The following BAZ1B variants were observed in gnomAD, a reference collection of about 807,000 sequenced individuals.
BAZ1B encodes tyrosine-protein kinase BAZ1B.
BAZ1B carries 22 observed loss-of-function variants against 153.8 expected under a neutral mutation model. The ratio of observed to expected loss-of-function variants is 0.14; its 90% CI spans 0.10 to 0.20. BAZ1B has a LOEUF of 0.20. BAZ1B is among the 10% of genes least tolerant of loss of function. The pLI is 1.00. For missense variants in BAZ1B, 1,325 were observed against 1,799.3 expected, an observed-to-expected ratio of 0.74 and a Z score of 4.77; for synonymous variants, 676 against 633.4, an observed-to-expected ratio of 1.07 and a Z score of -1.01.
chr7:73,488,103 T>C (rs1432639016), intron 6 of BAZ1B, among the ~76,000 whole-genome samples: 1 of 152,224 alleles, frequency 6.6e-6, no homozygotes, highest in Non-Finnish European at 1.5e-5. Context: ...CCTGGAAATG[T>C]GACCTAGTTT....
rs1787955857 is a variant in BAZ1B at position 73,449,528 on chromosome 7, G to A, written c.3728+14C>T. On this transcript the variant is annotated intron_variant, in intron 15 of 19. Transcript: ENST00000339594. ...TTTATTCATTCAATTATTTTTAAAA[G>A]AAAAGATTCTCACCTGCCACGGGAG... is the stretch of plus-strand genomic sequence containing the variant. The A allele has an allele frequency of 1.5e-5, 24 of 1,598,196 alleles. No homozygotes were observed. In the East Asian group the frequency reaches 5.4e-4, roughly 36 times the overall value.
chr7:73,492,757 T>C (rs782153093), intron 5 of BAZ1B, 43 bp downstream of exon 5: 1 of 1,521,958 alleles, frequency 6.6e-7, no homozygotes, highest in South Asian at 1.2e-5. Context: ...GATATTTTCT[T>C]AAAGAACATC....
At chr7:73,509,012 CAAA>C (rs782573117) in intron 2 of BAZ1B, among the ~76,000 whole-genome samples, 1 of 104,774 alleles carries the variant, frequency 9.5e-6, no homozygotes. Context: ...GATTCCATCT[CAAA>C]AAAAAAAAAA....
chr7:73,460,606 T>G (rs1405077601), intron 12 of BAZ1B, among the ~76,000 whole-genome samples: 1 of 152,152 alleles, frequency 6.6e-6, no homozygotes, highest in African/African-American at 2.4e-5. Flanking sequence ...TGCCTCAGCC[T>G]CCCCATTAGC....
intron 6 of BAZ1B, among the ~76,000 whole-genome samples, chr7:73,484,680 T>C (rs1459406604): frequency 6.6e-6 from 1 of 152,110 alleles, no homozygotes; most frequent in Non-Finnish European, 1.5e-5. Context: ...ATACTATGAG[T>C]AATGGACAAA....
chr7:73,500,163 T>G (rs760486702), intron 3 of BAZ1B, among the ~76,000 whole-genome samples: 1 of 152,204 alleles, frequency 6.6e-6, no homozygotes, highest in African/African-American at 2.4e-5. Flanking sequence ...AATATAATTA[T>G]AGATATATTT....
chr7:73,499,572 T>G (rs549022703), intron 3 of BAZ1B, among the ~76,000 whole-genome samples: 1 of 152,290 alleles, frequency 6.6e-6, no homozygotes, highest in East Asian at 1.9e-4. Context: ...CATGATGGCG[T>G]GTTCCCATAG....
intron 10 of BAZ1B, among the ~76,000 whole-genome samples, chr7:73,465,757 A>C (rs562410924): frequency 5.9e-5 from 9 of 152,252 alleles, no homozygotes; most frequent in Non-Finnish European, 8.8e-5. Context: ...GTTCCTATTA[A>C]AATATTATAT....
rs782219157 is a variant in BAZ1B, at chr7:73,476,850, C to G, written c.2593+18G>C. 10 of 1,574,124 alleles carry G rather than the reference C, an allele frequency of 6.4e-6. No individual in the cohort carries two copies. In the African/African-American group the frequency reaches 1.4e-4, roughly 22 times the overall value. ...TCTTCTACAGAGCTTCCCCTTTTCT[C>G]TCAGCATGAAATTTTACCTTTCATT... On this transcript the variant is annotated intron_variant, in intron 7 of 19. Coordinates refer to ENST00000339594, the MANE Select transcript of BAZ1B (RefSeq NM_032408.4).
chr7:73,497,701 AAAAAAAG>A (rs781854801), intron 4 of BAZ1B, among the ~76,000 whole-genome samples: 22 of 148,214 alleles, frequency 1.5e-4, no homozygotes, highest in Non-Finnish European at 2.4e-4. Context: ...AAGTGCCATA[AAAAAAAG>A]AAAAAGAAAA....
chr7:73,493,720 T>C (rs1243317140), intron 4 of BAZ1B, among the ~76,000 whole-genome samples: 1 of 151,324 alleles, frequency 6.6e-6, no homozygotes, highest in African/African-American at 2.4e-5. Flanking sequence ...CACATGCCTG[T>C]AGTCACAGCA....
intron 13 of BAZ1B, among the ~76,000 whole-genome samples, chr7:73,458,172 G>C (rs557727341): frequency 6.6e-6 from 1 of 152,262 alleles, no homozygotes; most frequent in East Asian, 1.9e-4. Flanking sequence ...TAACTTGCAG[G>C]ATCTGACACA....
At position 73,459,592 on chromosome 7, in the gene BAZ1B, C is replaced by T; in HGVS notation, c.3376G>A (p.Asp1126Asn). 1 of 1,614,012 alleles carries T rather than the reference C, an allele frequency of 6.2e-7. No individual in the cohort carries two copies. Residue 1126 changes from aspartate to asparagine, a missense_variant, in exon 13 of 20, where the codon GAT becomes AAT. Coordinates refer to ENST00000339594, the MANE Select transcript of BAZ1B (RefSeq NM_032408.4). ...TCCACTTCCTCAGTTTTTGCTGAAT[C>T]TTCACTTTGGAGTTTTCTTCTCTTT... The part of the protein sequence containing the change: ...KQKRRKLQSE[D>N]SAKTEEVDEE...
At chr7:73,495,385 AACAG>A (rs1249046158) in intron 4 of BAZ1B, among the ~76,000 whole-genome samples, 4 of 152,352 alleles carry the variant, frequency 2.6e-5, no homozygotes, top group Middle Eastern at 3.4e-3. Context: ...CCAGGCTACA[AACAG>A]TTAAGAATTC....
intron 1 of BAZ1B, among the ~76,000 whole-genome samples, chr7:73,511,219 G>C (rs1239502300): frequency 2.0e-5 from 3 of 151,990 alleles, no homozygotes; most frequent in African/African-American, 7.3e-5. Flanking sequence ...AGTGAGCCAA[G>C]ATCACGCCAC....
At chr7:73,461,969 G>A (rs1201278858) in intron 12 of BAZ1B, among the ~76,000 whole-genome samples, 2 of 152,224 alleles carry the variant, frequency 1.3e-5, no homozygotes, top group East Asian at 3.8e-4. Flanking sequence ...GTCTTGCTAT[G>A]TTGCCCAGGC....
At chr7:73,464,096 T>A (rs1417601086) in intron 11 of BAZ1B, 2 of 955,878 alleles carry the variant, frequency 2.1e-6, no homozygotes, top group African/African-American at 3.5e-5. Flanking sequence ...CATTAAGCAG[T>A]GGGCTAACAT....
At chr7:73,463,867 C>A (rs1253454342) in intron 11 of BAZ1B, among the ~76,000 whole-genome samples, 1 of 152,172 alleles carries the variant, frequency 6.6e-6, no homozygotes, top group Non-Finnish European at 1.5e-5. Flanking sequence ...GCCACCATGC[C>A]TGGCTAATTT....
At position 73,445,055 on chromosome 7, in the gene BAZ1B, ACT is replaced by A. The variant is rs1583882107; in HGVS notation, c.3845-928_3845-927del. 2.0e-5 allele frequency among the ~76,000 whole-genome samples: 3 copies of A among 151,936 alleles called. No homozygotes were observed. The East Asian group carries it at 5.8e-4, about 29-fold the overall frequency. On this transcript the variant is annotated intron_variant, in intron 16 of 19. Coordinates refer to ENST00000339594, the MANE Select transcript of BAZ1B (RefSeq NM_032408.4). ...CACACACACACACACACACAAAGGC[ACT>A]GAGACTACTTGTGTCTCAGGTTTAC...
Sources: gnomAD v4.1 joint callset for allele counts (sites outside exome capture counted in the v4.1 genomes callset) on GRCh38, gnomAD v4.1.1 for gene constraint, MANE v1.5 for transcripts, NCBI Gene and HGNC (gene_info 2026-07-23, HGNC 2026-07-21) for gene names.